ZC3H12B: variants seen among roughly 807,000 people sequenced by gnomAD.
ZC3H12B encodes probable ribonuclease ZC3H12B.
ZC3H12B carries 7 observed loss-of-function variants against 43.9 expected under a neutral mutation model. The ratio of observed to expected loss-of-function variants is 0.16; its 90% CI spans 0.09 to 0.30. The LOEUF is 0.30. Ranked by LOEUF, ZC3H12B falls within the 10% of genes least tolerant of loss-of-function variation. The probability of loss-of-function intolerance (pLI) is 1.00; values close to 1 mark genes in which losing one functional copy is unlikely to be tolerated. For synonymous variants in ZC3H12B, 222 were observed against 241.7 expected (o/e 0.92, Z 0.76); for missense variants, 475 against 670.2 (o/e 0.71, Z 3.22).
chrX:65,387,639 C>T (rs5918563), intron 2 of ZC3H12B, among the ~76,000 whole-genome samples: 23,307 of 110,937 alleles, frequency 0.21, 2,231 homozygotes, highest in Admixed American at 0.32. Context: ...AGTCCATTTA[C>T]ATTTATGGTT....
At chrX:65,157,968 T>G in the ZC3H12B span, among the ~76,000 whole-genome samples, 4 of 88,433 alleles carry the variant, frequency 4.5e-5, no homozygotes, top group Non-Finnish European at 8.7e-5. Context: ...TTCCCCTTCC[T>G]GTGGCCATGT....
At chrX:65,359,021 C>A in the ZC3H12B span, among the ~76,000 whole-genome samples, 2 of 111,185 alleles carry the variant, frequency 1.8e-5, no homozygotes, top group African/African-American at 6.5e-5. Flanking sequence ...AATTTTAGTG[C>A]CCTTAAGAGT....
At chrX:65,058,397 G>T in the ZC3H12B span, among the ~76,000 whole-genome samples, 2 of 112,103 alleles carry the variant, frequency 1.8e-5, no homozygotes, top group Non-Finnish European at 3.8e-5. Flanking sequence ...AGCGAATATT[G>T]CTGAACAGCA....
chrX:65,124,412 G>A, the ZC3H12B span, among the ~76,000 whole-genome samples: 1 of 110,386 alleles, frequency 9.1e-6, no homozygotes, highest in Non-Finnish European at 1.9e-5. Context: ...TGAGGATTCT[G>A]CATCTATGTT....
At chrX:65,258,395 G>T in the ZC3H12B span, among the ~76,000 whole-genome samples, 1 of 111,585 alleles carries the variant, frequency 9.0e-6, no homozygotes. Flanking sequence ...CCTCAACAAA[G>T]TAGACATTAA....
chrX:65,182,733 C>CA, the ZC3H12B span, among the ~76,000 whole-genome samples: 1 of 104,908 alleles, frequency 9.5e-6, no homozygotes, highest in African/African-American at 3.5e-5. Flanking sequence ...AAAAAAAAAA[C>CA]AAAAAACCCT....
At chrX:65,044,732 A>T in the ZC3H12B span, among the ~76,000 whole-genome samples, 1 of 111,581 alleles carries the variant, frequency 9.0e-6, no homozygotes, top group East Asian at 2.8e-4. Context: ...ACATATGTAC[A>T]GTCACACCTC....
chrX:65,285,304 G>C, the ZC3H12B span, among the ~76,000 whole-genome samples: 10 of 109,882 alleles, frequency 9.1e-5, no homozygotes, highest in Non-Finnish European at 1.9e-4. Flanking sequence ...CAAAGTCCAT[G>C]GTATCATTCT....
rs113394213 is a variant in ZC3H12B, at chrX:65,370,262, G to A, written n.295+1264G>A. Among the ~76,000 whole-genome samples, 746 of 111,222 alleles carry A rather than the reference G, an allele frequency of 6.7e-3. 9 individuals carry two copies. The highest frequency in any genetic ancestry group is 0.023 in the African/African-American group (710 of 30,649). On this transcript the variant is annotated intron_variant and non_coding_transcript_variant, in intron 2 of 5. Transcript: ENST00000617377. Reference sequence around the variant, plus strand: ...ATTCATTAAGTATGGCAAAATCATAGGCCATTATGGTATAGTGGAAAGATC... The same window carrying A: ...ATTCATTAAGTATGGCAAAATCATAAGCCATTATGGTATAGTGGAAAGATC...
chrX:65,237,706 A>G, the ZC3H12B span, among the ~76,000 whole-genome samples: 1 of 111,512 alleles, frequency 9.0e-6, no homozygotes, highest in Non-Finnish European at 1.9e-5. Flanking sequence ...GGTTTCTCAT[A>G]TATGGCTGTT....
At chrX:65,188,234 C>A in the ZC3H12B span, among the ~76,000 whole-genome samples, 1 of 111,377 alleles carries the variant, frequency 9.0e-6, no homozygotes, top group African/African-American at 3.3e-5. Flanking sequence ...GTTGCTTCCA[C>A]ATTTTGGCTA....
At chrX:65,055,984 C>T in the ZC3H12B span, among the ~76,000 whole-genome samples, 1 of 111,411 alleles carries the variant, frequency 9.0e-6, no homozygotes, top group Non-Finnish European at 1.9e-5. Context: ...CTCTTTTCTT[C>T]TTTTTTAGTC....
chrX:65,425,702 G>T (rs181683496), intron 3 of ZC3H12B, among the ~76,000 whole-genome samples: 1 of 111,618 alleles, frequency 9.0e-6, no homozygotes, highest in Non-Finnish European at 1.9e-5. Flanking sequence ...AGGCTTTTCT[G>T]CATCTATTGA....
the ZC3H12B span, among the ~76,000 whole-genome samples, chrX:65,276,621 G>A: frequency 1.8e-5 from 2 of 111,310 alleles, no homozygotes; most frequent in African/African-American, 6.5e-5. Context: ...AAATGAAGGA[G>A]AAATAAAATA....
intron 3 of ZC3H12B, among the ~76,000 whole-genome samples, chrX:65,458,573 C>G (rs12556492): frequency 8.9e-6 from 1 of 112,053 alleles, no homozygotes. Context: ...AACCGCTCAA[C>G]TATGTGGAAA....
the ZC3H12B span, among the ~76,000 whole-genome samples, chrX:65,113,681 C>T: frequency 9.1e-6 from 1 of 110,214 alleles, no homozygotes; most frequent in Admixed American, 9.8e-5. Flanking sequence ...CACAGCACTC[C>T]AACCTTCAGG....
the ZC3H12B span, among the ~76,000 whole-genome samples, chrX:65,113,977 A>G: frequency 2.7e-5 from 2 of 74,845 alleles, no homozygotes; most frequent in Non-Finnish European, 5.1e-5. Context: ...AATATCTGAG[A>G]TATGCTTGTA....
chrX:65,228,248 T>C, the ZC3H12B span, among the ~76,000 whole-genome samples: 3 of 111,987 alleles, frequency 2.7e-5, no homozygotes, highest in East Asian at 5.6e-4. Context: ...TCAATAAATA[T>C]AATCCAGCAT....
chrX:65,220,835 C>A, the ZC3H12B span, among the ~76,000 whole-genome samples: 5 of 111,329 alleles, frequency 4.5e-5, no homozygotes, highest in Non-Finnish European at 9.4e-5. Flanking sequence ...TTAAATTATA[C>A]CCTAGAAAAA....
Sources: gnomAD v4.1 joint callset for allele counts (sites outside exome capture counted in the v4.1 genomes callset) on GRCh38, gnomAD v4.1.1 for gene constraint, MANE v1.5 for transcripts, NCBI Gene and HGNC (gene_info 2026-07-23, HGNC 2026-07-21) for gene names.